Variants in IKBIP observed in about 807,000 individuals in gnomAD.
The protein encoded by IKBIP is inhibitor of nuclear factor kappa-B kinase-interacting protein.
IKBIP carries 28 observed loss-of-function variants against 31.0 expected under a neutral mutation model. The observed-to-expected ratio is 0.90, with a 90% CI of 0.67 to 1.24. The LOEUF (loss-of-function observed/expected upper bound fraction) is 1.24, where lower values mean the gene tolerates loss of function less well. IKBIP is among the 50% of genes most tolerant of loss of function. The pLI, the probability that IKBIP is intolerant of heterozygous loss-of-function variation, is 0.00. For missense variants in IKBIP, 453 were observed against 441.9 expected (o/e 1.03, Z -0.23); for synonymous variants, 164 against 160.3 (o/e 1.02, Z -0.17).
exon 3 of IKBIP, chr12:98,614,292 T>C: frequency 6.2e-7 from 1 of 1,601,348 alleles, no homozygotes; most frequent in Non-Finnish European, 8.5e-7. Context: ...AGATGAGCAA[T>C]TATTTGAAAA....
At chr12:98,635,647 GT>G (rs1337797074) in intron 1 of IKBIP, among the ~76,000 whole-genome samples, 1 of 152,176 alleles carries the variant, frequency 6.6e-6, no homozygotes, top group African/African-American at 2.4e-5. Flanking sequence ...GAAAATAGGT[GT>G]TTTTATGCTG....
At chr12:98,631,736 G>A (rs1288144561) in intron 2 of IKBIP, among the ~76,000 whole-genome samples, 1 of 142,676 alleles carries the variant, frequency 7.0e-6, no homozygotes, top group Non-Finnish European at 1.5e-5. Context: ...TCGAGCCATT[G>A]TACTCCAGCC....
chr12:98,631,949 A>G (rs2097620549), intron 2 of IKBIP, among the ~76,000 whole-genome samples: 1 of 150,716 alleles, frequency 6.6e-6, no homozygotes, highest in African/African-American at 2.4e-5. Context: ...TCCACCTCCC[A>G]GGTTCAAGTG....
Position 98,633,013 on chromosome 12 carries a change from C to T in IKBIP, c.297+1283G>A, listed in dbSNP as rs541420674. Among the ~76,000 whole-genome samples the T allele has an allele frequency of 2.0e-5, 3 of 152,188 alleles. No homozygotes were observed. In the South Asian group the frequency reaches 6.2e-4, roughly 32 times the overall value. On this transcript the variant is annotated intron_variant, in intron 2 of 2. Coordinates refer to ENST00000299157, the MANE Select transcript of IKBIP (RefSeq NM_153687.4). ...CCCTTACACTCACCATCCATGGAAT[C>T]CCCTGGCATTTGTGAGGGATACTTA...
At chr12:98,643,817 C>CTTTTTTTTTTTTTTTCCTT (rs1555212507) in intron 1 of IKBIP, among the ~76,000 whole-genome samples, 13 of 136,920 alleles carry the variant, frequency 9.5e-5, no homozygotes, top group African/African-American at 3.6e-4. Context: ...ATATGGTTTT[C>CTTTTTTTTTTTTTTTCCTT]TTTTTTTTTT....
intron 2 of IKBIP, among the ~76,000 whole-genome samples, chr12:98,632,926 C>A (rs1180373806): frequency 6.6e-6 from 1 of 152,132 alleles, no homozygotes; most frequent in Non-Finnish European, 1.5e-5. Context: ...CTACGCCTGG[C>A]TCAGATTCCA....
chr12:98,631,759 G>C (rs1381664398), intron 2 of IKBIP, among the ~76,000 whole-genome samples: 1 of 141,054 alleles, frequency 7.1e-6, no homozygotes, highest in East Asian at 2.2e-4. Flanking sequence ...GATGAGAAAA[G>C]TGAAACTCTG....
rs1349516893 is a variant in IKBIP, at chr12:98,639,745, C to G, written c.179+4778G>C. ...AGGATTTCCTCTGGCTCTATTTCAG[C>G]TTAATAATGAAAAAGAGGCAAATAA... is the stretch of plus-strand genomic sequence containing the variant. On this transcript the variant is annotated intron_variant, in intron 1 of 2. Coordinates refer to ENST00000299157, the MANE Select transcript of IKBIP (RefSeq NM_153687.4). Among the ~76,000 whole-genome samples the G allele has an allele frequency of 2.0e-5, 3 of 152,154 alleles. No individual in the cohort carries two copies. The East Asian group carries it at 5.8e-4, about 29-fold the overall frequency.
In IKBIP at chr12:98,625,876, G is replaced by A; in HGVS notation, c.*54C>T. 7.6e-7 allele frequency: 1 copy of A among 1,310,046 alleles called. No individual in the cohort carries two copies. The highest frequency in any genetic ancestry group is 1.0e-6 in the Non-Finnish European group (1 of 1,000,204). The allele number at this position is 1,310,046 out of a possible 1,614,324, so 81.2% of individuals were successfully genotyped here. On this transcript the variant is annotated 3_prime_UTR_variant, in exon 3 of 3. Coordinates refer to ENST00000299157, the MANE Select transcript of IKBIP (RefSeq NM_153687.4). The stretch of plus-strand genomic sequence containing the variant: ...CGTATCAAAGTAACTCAAAATCAAT[G>A]GACTAATCAATTTATGTATAATGAT...
At chr12:98,616,569 C>T (rs921237075) in intron 2 of IKBIP, among the ~76,000 whole-genome samples, 3 of 152,184 alleles carry the variant, frequency 2.0e-5, no homozygotes, top group Non-Finnish European at 2.9e-5. Flanking sequence ...CCAAGACTAA[C>T]GTCAAGAAGC....
Position 98,625,983 on chromosome 12 carries a change from C to A in IKBIP, c.1081G>T (p.Gly361Ter). The A allele has an allele frequency of 6.8e-7, 1 of 1,465,698 alleles. No homozygotes were observed. Among genetic ancestry groups the A allele is most frequent in the Non-Finnish European group, 9.1e-7 (1 of 1,094,592 alleles). 90.8% of individuals were successfully genotyped at this position (1,465,698 alleles called of 1,614,324 possible). Reference sequence around the variant, plus strand: ...TCTATATTATATTCTTTTAAAGTTCCCTTTTCTCCTGTACTTGAGTATGCT... The same window carrying A: ...TCTATATTATATTCTTTTAAAGTTCACTTTTCTCCTGTACTTGAGTATGCT... ...FIAYSSTGEK[G>*]TLKEYNIENK... Residue 361 changes from glycine to a stop codon, truncating the protein, a stop_gained, in exon 3 of 3, where the codon GGA becomes TGA. Transcript: ENST00000299157. LOFTEE classifies it high-confidence loss of function.
chr12:98,627,583 C>T (rs980406160), intron 2 of IKBIP, among the ~76,000 whole-genome samples: 1 of 151,826 alleles, frequency 6.6e-6, no homozygotes, highest in South Asian at 2.1e-4. Context: ...GGACTACAGG[C>T]GCCCGCCACC....
Position 98,644,745 on chromosome 12 carries a change from C to A in IKBIP, c.-44G>T, listed in dbSNP as rs374585670. On this transcript the variant is annotated 5_prime_UTR_variant, in exon 1 of 3. Transcript: ENST00000299157. ...GACAAGCCCAGGGCAGCTTCTTCAC[C>A]AGGGGGAGCAGGACGTGGCCGCCTT... The A allele has an allele frequency of 1.0e-4, 164 of 1,567,216 alleles. No homozygotes were observed. Among genetic ancestry groups the A allele is most frequent in the Non-Finnish European group, 1.3e-4 (154 of 1,164,016 alleles).
chr12:98,638,485 G>A (rs2097627777), intron 1 of IKBIP, among the ~76,000 whole-genome samples: 3 of 152,104 alleles, frequency 2.0e-5, no homozygotes, highest in African/African-American at 7.2e-5. Flanking sequence ...ATGTTGCCCA[G>A]TCTTGTCTTG....
At chr12:98,621,120 G>C (rs915354412), downstream of IKBIP, among the ~76,000 whole-genome samples, 18 of 152,042 alleles carry the variant, frequency 1.2e-4, no homozygotes, top group Admixed American at 2.0e-4. Flanking sequence ...GTAGTGACAG[G>C]CACCTGTAAT....
At chr12:98,628,486 ATT>A (rs1487877414) in intron 2 of IKBIP, among the ~76,000 whole-genome samples, 18 of 152,124 alleles carry the variant, frequency 1.2e-4, no homozygotes, top group African/African-American at 4.3e-4. Flanking sequence ...TCTCCTCTTT[ATT>A]TAGTTACATT....
chr12:98,622,504 AGAGT>A (rs2097610935), downstream of IKBIP, among the ~76,000 whole-genome samples: 1 of 152,214 alleles, frequency 6.6e-6, no homozygotes, highest in African/African-American at 2.4e-5. Flanking sequence ...CCTGGGTGAC[AGAGT>A]GAGACCCTGT....
chr12:98,626,304 C>A lies in IKBIP; in HGVS notation c.760G>T (p.Asp254Tyr). Residue 254 changes from aspartate (D) to tyrosine (Y), a missense_variant, in exon 3 of 3, where the codon GAT (aspartate) becomes TAT (tyrosine). Coordinates refer to ENST00000299157, the MANE Select transcript of IKBIP (RefSeq NM_153687.4). ...TAGTCGGAAAGTTTATTAGTCAGAT[C>A]TTCATCTCTGGCAAAGAGGGCATGC... ...EQHALFARDE[D>Y]LTNKLSDYEP... 6.2e-7 allele frequency: 1 copy of A among 1,614,108 alleles called. No homozygotes were observed. Among genetic ancestry groups the A allele is most frequent in the Admixed American group, 1.7e-5 (1 of 60,016 alleles).
At chr12:98,621,787 G>A (rs191703732), downstream of IKBIP, among the ~76,000 whole-genome samples, 3 of 151,988 alleles carry the variant, frequency 2.0e-5, no homozygotes, top group South Asian at 2.1e-4. Flanking sequence ...TTATGATGAC[G>A]ATAATGAAGG....
Sources: gnomAD v4.1 joint callset for allele counts (sites outside exome capture counted in the v4.1 genomes callset) on GRCh38, gnomAD v4.1.1 for gene constraint, MANE v1.5 for transcripts, NCBI Gene and HGNC (gene_info 2026-07-23, HGNC 2026-07-21) for gene names.